Variants in TTN observed in about 807,000 individuals in gnomAD.
TTN encodes the protein titin, also known as connectin.
TTN carries 1,525 observed loss-of-function variants against 3,223.0 expected under a neutral mutation model. The ratio of observed to expected loss-of-function variants is 0.47; its 90% CI spans 0.45 to 0.49. The LOEUF is 0.49. TTN is among the 20% of genes least tolerant of loss of function. The pLI is 0.00. For missense variants in TTN, 40,786 were observed against 43,424.0 expected, an observed-to-expected ratio of 0.94 and a Z score of 5.40; for synonymous variants, 14,094 against 15,161.0, an observed-to-expected ratio of 0.93 and a Z score of 5.17.
intron 239 of TTN, 93 bp downstream of exon 239, chr2:178,630,148 T>C (rs2059619846): frequency 1.2e-5 from 19 of 1,551,882 alleles, no homozygotes; most frequent in Non-Finnish European, 1.7e-5. Context: ...AATAATATTT[T>C]CTAACTAATA....
chr2:178,769,665 ATT>A lies in TTN; in HGVS notation c.8902+12_8902+13del, dbSNP rs774238749. On this transcript the variant is annotated intron_variant, in intron 37 of 362. Coordinates refer to ENST00000589042, the MANE Select transcript of TTN (RefSeq NM_001267550.2). Reference sequence around the variant, plus strand: ...TATATATGTGTATATATATATATATATTTTTTAACTTACGGGTGACTGTCAGG... The same window carrying A: ...TATATATGTGTATATATATATATATATTTTAACTTACGGGTGACTGTCAGG... The A allele has an allele frequency of 3.5e-4, 351 of 994,194 alleles. No individual in the cohort carries two copies. Among genetic ancestry groups the A allele is most frequent in the South Asian group, 7.3e-4 (39 of 53,444 alleles). The allele number at this position is 994,194 out of a possible 1,614,324, so 61.6% of individuals were successfully genotyped here.
chr2:178,776,575 A>C lies in TTN; in HGVS notation c.5289T>G (p.Asp1763Glu), dbSNP rs1325498080. Residue 1763 changes from aspartate (D) to glutamate (E), a missense_variant, in exon 28 of 363, where the codon GAT becomes GAG. Asp to Glu is a conservative substitution (Grantham distance 45). Coordinates refer to ENST00000589042, the MANE Select transcript of TTN (RefSeq NM_001267550.2). ...MINEFGYCSL[D>E]YGVAYSRDSG... ...TGTCTCTAGAATATGCAACGCCATA[A>C]TCAAGGCTGCAGTACCCAAATTCAT... is the stretch of plus-strand genomic sequence containing the variant. The C allele has an allele frequency of 2.5e-6, 4 of 1,613,666 alleles. No individual in the cohort carries two copies. In the Admixed American group the frequency reaches 6.7e-5, roughly 27 times the overall value.
chr2:178,651,762 A>T lies in TTN; in HGVS notation c.39380-13T>A. On this transcript the variant is annotated splice_polypyrimidine_tract_variant and intron_variant, in intron 205 of 362. Coordinates refer to ENST00000589042, the MANE Select transcript of TTN (RefSeq NM_001267550.2). ...GGTGGTACGGTCACTAAAGAATTAG[A>T]AGGTATGTTTTAGAAAGAACGAAGA... 1.2e-6 allele frequency: 2 copies of T among 1,612,224 alleles called. No individual in the cohort carries two copies. The highest frequency in any genetic ancestry group is 1.7e-6 in the Non-Finnish European group (2 of 1,179,200).
In TTN at chr2:178,548,527, A is replaced by C. The variant is rs1215658637; in HGVS notation, c.93099T>G (p.Ala31033=). The change falls in exon 339 of 363, where the codon GCT becomes GCG. Residue 31033 remains alanine, a synonymous_variant. Coordinates refer to ENST00000589042, the MANE Select transcript of TTN (RefSeq NM_001267550.2). This position sits in a 1 kb window ranked among gnomAD's most constrained non-coding sequence, Gnocchi z 4.3. The stretch of plus-strand genomic sequence containing the variant: ...GAAGAGGGGCATCCCACATCAATGT[A>C]GCAGATCCCCGGGTCACATCTTTGA... ...ITFKDVTRGS[A]TLMWDAPLLD... 6.2e-7 allele frequency: 1 copy of C among 1,613,774 alleles called. No individual in the cohort carries two copies. Among genetic ancestry groups the C allele is most frequent in the Non-Finnish European group, 8.5e-7 (1 of 1,179,818 alleles).
Position 178,564,939 on chromosome 2 carries a change from T to C in TTN, c.81193A>G (p.Ile27065Val). The C allele has an allele frequency of 6.2e-7, 1 of 1,612,406 alleles. No individual in the cohort carries two copies. The highest frequency in any genetic ancestry group is 8.5e-7 in the Non-Finnish European group (1 of 1,179,214). ...KSAPLDSKAV[I>V]VQYPFKEPGP... ...GGTTCTTTAAATGGATATTGTACAATAACTGCCTTAGAATCCAGTGGGGCA... is the reference window on the plus strand; with the variant it reads ...GGTTCTTTAAATGGATATTGTACAACAACTGCCTTAGAATCCAGTGGGGCA... The change falls in exon 326 of 363, where the codon ATT (isoleucine) becomes GTT (valine). Residue 27065 changes from isoleucine to valine, a missense_variant. By Grantham distance (29) the Ile-to-Val change is conservative (BLOSUM62 3). Coordinates refer to ENST00000589042, the MANE Select transcript of TTN (RefSeq NM_001267550.2).
Position 178,549,664 on chromosome 2 carries a change from G to A in TTN, c.92058C>T (p.Asn30686=), listed in dbSNP as rs545632095. 1.2e-4 allele frequency: 193 copies of A among 1,613,794 alleles called. 1 individual carries two copies. The East Asian group carries it at 3.1e-3, about 26-fold the overall frequency. ...AQSYTAIKLI[N]GNEYQFRVSA... ...AAACACGGAATTGGTATTCATTGCC[G>A]TTTATTAGTTTAATGGCAGTGTAAC... Residue 30686 remains asparagine, a synonymous_variant, in exon 338 of 363, where the codon AAC becomes AAT. Transcript: ENST00000589042.
At chr2:178,615,081 T>A in intron 259 of TTN, 113 bp from the exon 260 acceptor site, 1 of 1,042,380 alleles carries the variant, frequency 9.6e-7, no homozygotes, top group Non-Finnish European at 1.4e-6. Flanking sequence ...GTCTTTAAAT[T>A]AAACCTGGAT....
chr2:178,566,716 T>C lies in TTN; in HGVS notation c.79416A>G (p.Pro26472=), dbSNP rs1173305141. Residue 26472 remains proline, a synonymous_variant, in exon 326 of 363, where the codon CCA becomes CCG. Transcript: ENST00000589042. ...CTTTATAATAAACTGTAGCTGGACTTGGTTCCCCAACTCCAGCAGCATTTT... is the reference window on the plus strand; with the variant it reads ...CTTTATAATAAACTGTAGCTGGACTCGGTTCCCCAACTCCAGCAGCATTTT... ...SAENAAGVGE[P]SPATVYYKAC... 3.1e-6 allele frequency: 5 copies of C among 1,613,396 alleles called. No individual in the cohort carries two copies. The highest frequency in any genetic ancestry group is 4.5e-5 in the East Asian group (2 of 44,860).
chr2:178,731,805 A>G lies in TTN; in HGVS notation c.17070T>C (p.His5690=), dbSNP rs751788456. The change falls in exon 58 of 363, where the codon CAT becomes CAC. Residue 5690 remains histidine, a synonymous_variant. Coordinates refer to ENST00000589042, the MANE Select transcript of TTN (RefSeq NM_001267550.2). Reference sequence around the variant, plus strand: ...ACTTGAGGATCTGCAGGCTAACCAGATGATCCTGAATGAAAGTCTTATACT... The same window carrying G: ...ACTTGAGGATCTGCAGGCTAACCAGGTGATCCTGAATGAAAGTCTTATACT... The part of the protein sequence containing the change: ...GRKYKTFIQD[H]LVSLQILKFV... The G allele has an allele frequency of 1.2e-6, 2 of 1,613,788 alleles. No homozygotes were observed. Among genetic ancestry groups the G allele is most frequent in the South Asian group, 1.1e-5 (1 of 91,080 alleles).
chr2:178,730,483 A>T, intron 61 of TTN, 22 bp downstream of exon 61: 1 of 1,580,544 alleles, frequency 6.3e-7, no homozygotes, highest in Non-Finnish European at 8.6e-7. Context: ...GTTCTTGATA[A>T]GTGGAAATAA....
chr2:178,779,976 G>T (rs778380758), intron 22 of TTN, 24 bp downstream of exon 22: 1 of 1,600,156 alleles, frequency 6.2e-7, no homozygotes, highest in Admixed American at 1.7e-5. Context: ...AAATTGTTTG[G>T]TTGGTCATTA....
intron 224 of TTN, among the ~76,000 whole-genome samples, chr2:178,637,021 G>A (rs1385486588): frequency 6.6e-6 from 1 of 151,182 alleles, no homozygotes; most frequent in Non-Finnish European, 1.5e-5. Flanking sequence ...CTTTTCTCAA[G>A]TTTTAATCTG....
intron 344 of TTN, 61 bp from the exon 345 acceptor site, chr2:178,544,567 ATT>A (rs551218661): frequency 2.7e-6 from 4 of 1,463,804 alleles, no homozygotes; most frequent in East Asian, 4.6e-5. Flanking sequence ...TGAGATTTGT[ATT>A]TTTTGTTTTC....
Position 178,568,459 on chromosome 2 carries a change from A to G in TTN, c.77673T>C (p.Pro25891=). ...ASIEIVTLDK[P]DPPKGPVKFD... ...ATTTAACAGGTCCTTTTGGAGGATC[A>G]GGTTTATCTAGAGTTACAATTTCGA... The change falls in exon 326 of 363, where the codon CCT becomes CCC. Residue 25891 remains proline, a synonymous_variant. Transcript: ENST00000589042. 1 of 1,613,330 alleles carries G rather than the reference A, an allele frequency of 6.2e-7. No individual in the cohort carries two copies. Among genetic ancestry groups the G allele is most frequent in the South Asian group, 1.1e-5 (1 of 91,070 alleles).
Position 178,534,011 on chromosome 2 carries a change from A to G in TTN, c.102604T>C (p.Leu34202=), listed in dbSNP as rs1469962198. ...AILYVKDITK[L]DDGTYRCKVV... is the part of the protein sequence containing the mutation. ...TTGCATCTGTAGGTACCATCATCTA[A>G]TTTGGTAATGTCTTTGACATAGAGG... Residue 34202 remains leucine, a synonymous_variant, in exon 358 of 363, where the codon TTA becomes CTA. Coordinates refer to ENST00000589042, the MANE Select transcript of TTN (RefSeq NM_001267550.2). 1.2e-6 allele frequency: 2 copies of G among 1,613,750 alleles called. No individual in the cohort carries two copies. The highest frequency in any genetic ancestry group is 2.7e-5 in the African/African-American group (2 of 74,900).
At position 178,572,225 on chromosome 2, in the gene TTN, G is replaced by C; in HGVS notation, c.73907C>G (p.Ser24636Cys). The C allele has an allele frequency of 5.6e-6, 9 of 1,613,424 alleles. No individual in the cohort carries two copies. The highest frequency in any genetic ancestry group is 7.6e-6 in the Non-Finnish European group (9 of 1,179,618). ...TCCATCATGCTCTGGTTTCTCCCAA[G>C]AGAGTGACACACTATTTCTTGTGAC... ...MDVTRNSVSL[S>C]WEKPEHDGGS... is the part of the protein sequence containing the mutation. The change falls in exon 326 of 363, where the codon TCT becomes TGT. Residue 24636 changes from serine (S) to cysteine (C), a missense_variant. Physicochemically the swap from Ser to Cys is moderately radical, Grantham distance 112 (BLOSUM62 -1). Transcript: ENST00000589042.
At position 178,581,555 on chromosome 2, in the gene TTN, A is replaced by G. The variant is rs1233016025; in HGVS notation, c.66713T>C (p.Ile22238Thr). 6.2e-7 allele frequency: 1 copy of G among 1,612,170 alleles called. No homozygotes were observed. Among genetic ancestry groups the G allele is most frequent in the Non-Finnish European group, 8.5e-7 (1 of 1,178,780 alleles). ...YQFRVYAVNKIGYSDPSDVPD... is the reference protein window; with the variant it reads ...YQFRVYAVNKTGYSDPSDVPD... The stretch of plus-strand genomic sequence containing the variant: ...CACATCACTGGGGTCACTGTATCCA[A>G]TCTTATTAACGGCATACACACGGAA... The change falls in exon 316 of 363, where the codon ATT becomes ACT. Residue 22238 changes from isoleucine (I) to threonine (T), a missense_variant. Ile to Thr is a moderately conservative substitution (Grantham distance 89). Coordinates refer to ENST00000589042, the MANE Select transcript of TTN (RefSeq NM_001267550.2).
chr2:178,785,908 C>G lies in TTN; in HGVS notation c.2310G>C (p.Gln770His), dbSNP rs541547610. 6.2e-7 allele frequency: 1 copy of G among 1,614,084 alleles called. No individual in the cohort carries two copies. The highest frequency in any genetic ancestry group is 8.5e-7 in the Non-Finnish European group (1 of 1,179,988). ...VPKAVKPRVI[Q>H]APSETHIKTT... Reference sequence around the variant, plus strand: ...TTTTGATATGAGTCTCAGAAGGAGCCTGGATTACTCTAGGCTTGACTGCTT... The same window carrying G: ...TTTTGATATGAGTCTCAGAAGGAGCGTGGATTACTCTAGGCTTGACTGCTT... The change falls in exon 14 of 363, where the codon CAG becomes CAC. Residue 770 changes from glutamine to histidine, a missense_variant. Physicochemically the swap from Gln to His is conservative, Grantham distance 24. Transcript: ENST00000589042.
At chr2:178,786,488 G>A (rs927639587) in intron 13 of TTN, among the ~76,000 whole-genome samples, 4 of 152,134 alleles carry the variant, frequency 2.6e-5, no homozygotes, top group African/African-American at 9.7e-5. Flanking sequence ...TCAGAATTTT[G>A]GAGCTGGTTC....
Sources: allele counts gnomAD v4.1 joint callset (sites outside exome capture counted in the v4.1 genomes callset), GRCh38; gene constraint gnomAD v4.1.1; non-coding constraint Gnocchi (gnomAD v3.1); transcripts MANE v1.5; gene names NCBI Gene and HGNC (gene_info 2026-07-23, HGNC 2026-07-21).